CTNND2: variants seen among roughly 807,000 people sequenced by gnomAD.
CTNND2 encodes catenin delta-2.
Under a neutral mutation model 144.4 loss-of-function variants are expected in CTNND2, and 22 were observed. The ratio of observed to expected loss-of-function variants is 0.15; its 90% CI spans 0.11 to 0.22. The LOEUF (loss-of-function observed/expected upper bound fraction) is 0.22, where lower values mean the gene tolerates loss of function less well. Among genes scored for constraint, CTNND2 ranks in the 10% least tolerant of loss-of-function variants. CTNND2 has a pLI of 1.00. For missense variants in CTNND2, 1,353 were observed against 1,618.8 expected (o/e 0.84, Z 2.82); for synonymous variants, 751 against 695.6 (o/e 1.08, Z -1.25).
intron 10 of CTNND2, among the ~76,000 whole-genome samples, chr5:11,221,137 G>A (rs1739750769): frequency 6.6e-6 from 1 of 152,172 alleles, no homozygotes; most frequent in Non-Finnish European, 1.5e-5. Flanking sequence ...CATATAATGA[G>A]CACCTATAGC....
intron 1 of CTNND2, among the ~76,000 whole-genome samples, chr5:11,819,401 C>T (rs1705949016): frequency 6.6e-6 from 1 of 152,148 alleles, no homozygotes; most frequent in African/African-American, 2.4e-5. Flanking sequence ...CTCCACTTCA[C>T]TCCAGCCTGG....
At chr5:11,600,829 T>C (rs1779754445) in intron 2 of CTNND2, among the ~76,000 whole-genome samples, 1 of 151,090 alleles carries the variant, frequency 6.6e-6, no homozygotes, top group Non-Finnish European at 1.5e-5. Flanking sequence ...AGCACAGAAA[T>C]CAGAAGGTAA....
At chr5:11,168,800 C>T (rs1759608704) in intron 11 of CTNND2, among the ~76,000 whole-genome samples, 1 of 150,884 alleles carries the variant, frequency 6.6e-6, no homozygotes, top group Non-Finnish European at 1.5e-5. Context: ...CAATAAATAG[C>T]ATAATGAGGA....
intron 2 of CTNND2, among the ~76,000 whole-genome samples, chr5:11,574,869 C>T (rs1037686627): frequency 2.6e-5 from 4 of 152,210 alleles, no homozygotes; most frequent in Admixed American, 2.0e-4. Flanking sequence ...CAGCCAAAAT[C>T]GATGACTTGC....
At chr5:11,114,208 TC>T (rs1405078144) in intron 13 of CTNND2, among the ~76,000 whole-genome samples, 8 of 152,298 alleles carry the variant, frequency 5.3e-5, no homozygotes, top group Non-Finnish European at 1.2e-4. Context: ...AGAATAAACT[TC>T]TTTCTCATCC....
chr5:11,173,097 T>C (rs1019368807), intron 11 of CTNND2, among the ~76,000 whole-genome samples: 5 of 152,378 alleles, frequency 3.3e-5, no homozygotes. Flanking sequence ...TGTCTGGCAC[T>C]GTATACAGTC....
intron 12 of CTNND2, among the ~76,000 whole-genome samples, chr5:11,123,907 G>A (rs1285659291): frequency 1.3e-5 from 2 of 152,176 alleles, no homozygotes; most frequent in African/African-American, 2.4e-5. Context: ...CTTCCTAACA[G>A]GATGGGACCA....
In CTNND2 at chr5:11,853,223, A is replaced by G. The variant is rs1254097709; in HGVS notation, c.37+50594T>C. Reference sequence around the variant, plus strand: ...CCATCCTCTTTCTAAAGCTGTGGACAATTTTTAGGCCTTCTTTCCTTTACC... The same window carrying G: ...CCATCCTCTTTCTAAAGCTGTGGACGATTTTTAGGCCTTCTTTCCTTTACC... On this transcript the variant is annotated intron_variant, in intron 1 of 21. Coordinates refer to ENST00000304623, the MANE Select transcript of CTNND2 (RefSeq NM_001332.4). Among the ~76,000 whole-genome samples, 3 of 152,100 alleles carry G rather than the reference A, an allele frequency of 2.0e-5. No homozygotes were observed. The East Asian group carries it at 5.8e-4, about 29-fold the overall frequency.
chr5:11,485,325 CAGAG>C (rs748159759), intron 3 of CTNND2, among the ~76,000 whole-genome samples: 3 of 149,932 alleles, frequency 2.0e-5, no homozygotes, highest in East Asian at 2.0e-4. Flanking sequence ...CACTTCTTAA[CAGAG>C]AGAGAGAGAC....
chr5:11,901,239 G>T (rs942409452), intron 1 of CTNND2, among the ~76,000 whole-genome samples: 2 of 152,114 alleles, frequency 1.3e-5, no homozygotes, highest in Non-Finnish European at 2.9e-5. Flanking sequence ...TACCACACAA[G>T]AAAGAAGTCT....
At chr5:11,296,423 G>A (rs879296806) in intron 9 of CTNND2, among the ~76,000 whole-genome samples, 7 of 152,304 alleles carry the variant, frequency 4.6e-5, no homozygotes, top group Non-Finnish European at 7.3e-5. Context: ...AAGTCAGTGC[G>A]GCAATTCCTC....
intron 3 of CTNND2, among the ~76,000 whole-genome samples, chr5:11,484,897 G>A (rs1163369161): frequency 6.6e-6 from 1 of 152,196 alleles, no homozygotes; most frequent in African/African-American, 2.4e-5. Flanking sequence ...TCCTGCCCTG[G>A]TGGGCCTGCC....
intron 7 of CTNND2, among the ~76,000 whole-genome samples, chr5:11,368,604 C>G (rs1306785863): frequency 6.6e-6 from 1 of 152,176 alleles, no homozygotes; most frequent in East Asian, 1.9e-4. Flanking sequence ...GACAACATGG[C>G]TCAGCCTCAA....
At chr5:11,509,874 G>A (rs1284993475) in intron 3 of CTNND2, among the ~76,000 whole-genome samples, 2 of 152,118 alleles carry the variant, frequency 1.3e-5, no homozygotes, top group African/African-American at 4.8e-5. Context: ...AATGCTTACT[G>A]TAACTTTTAG....
intron 2 of CTNND2, among the ~76,000 whole-genome samples, chr5:11,726,293 T>C (rs1333133291): frequency 1.3e-5 from 2 of 152,096 alleles, no homozygotes; most frequent in Admixed American, 6.6e-5. Context: ...AGAAACATGT[T>C]TGAAATAATA....
chr5:11,002,374 C>T (rs991172306), intron 18 of CTNND2, among the ~76,000 whole-genome samples: 1 of 152,236 alleles, frequency 6.6e-6, no homozygotes, highest in African/African-American at 2.4e-5. Flanking sequence ...AAGGGACATC[C>T]TGCCATTTTG....
At chr5:11,845,987 A>C (rs1401310734) in intron 1 of CTNND2, among the ~76,000 whole-genome samples, 2 of 152,344 alleles carry the variant, frequency 1.3e-5, no homozygotes, top group South Asian at 2.1e-4. Context: ...CTGGAACATA[A>C]ATCACAGCCT....
chr5:11,540,654 C>T (rs1160436027), intron 3 of CTNND2, among the ~76,000 whole-genome samples: 4 of 152,070 alleles, frequency 2.6e-5, no homozygotes, highest in African/African-American at 4.8e-5. Context: ...GGACTACAGG[C>T]GTGCATCACC....
rs186904635 is a variant in CTNND2 at position 11,424,095 on chromosome 5, T to C, written c.288-12026A>G. Among the ~76,000 whole-genome samples, 35 of 152,282 alleles carry C rather than the reference T, an allele frequency of 2.3e-4. No individual in the cohort carries two copies. The East Asian group carries it at 5.4e-3, about 24-fold the overall frequency. On this transcript the variant is annotated intron_variant, in intron 3 of 21. Coordinates refer to ENST00000304623, the MANE Select transcript of CTNND2 (RefSeq NM_001332.4). ...CTGAAAGTTTCGTTAAAAAGTTTAA[T>C]GGGTGCACAAATGTTCATTAGAGTT... is the stretch of plus-strand genomic sequence containing the variant.
Sources: allele counts gnomAD v4.1 joint callset (sites outside exome capture counted in the v4.1 genomes callset), GRCh38; gene constraint gnomAD v4.1.1; transcripts MANE v1.5; gene names NCBI Gene and HGNC (gene_info 2026-07-23, HGNC 2026-07-21).